KAZN: variants seen among roughly 807,000 people sequenced by gnomAD.
KAZN encodes kazrin.
Under a neutral mutation model 87.4 loss-of-function variants are expected in KAZN, and 40 were observed. The observed-to-expected ratio is 0.46, with a 90% CI of 0.36 to 0.60. KAZN has a LOEUF of 0.60. KAZN is among the 20% of genes least tolerant of loss of function. The probability of loss-of-function intolerance (pLI) is 0.00; values close to 1 mark genes in which losing one functional copy is unlikely to be tolerated. For missense variants in KAZN, 898 were observed against 1,073.9 expected, an observed-to-expected ratio of 0.84 and a Z score of 2.29; for synonymous variants, 466 against 458.3, an observed-to-expected ratio of 1.02 and a Z score of -0.22.
chr1:14,803,362 C>T (rs1236659328), intron 1 of KAZN, among the ~76,000 whole-genome samples: 3 of 152,306 alleles, frequency 2.0e-5, no homozygotes, highest in African/African-American at 2.4e-5. Context: ...GTGCCAGACC[C>T]GACTGTCCCT....
chr1:14,905,285 C>G (rs1044720425), intron 1 of KAZN, among the ~76,000 whole-genome samples: 11 of 152,204 alleles, frequency 7.2e-5, no homozygotes, highest in African/African-American at 2.2e-4. Flanking sequence ...TCTCAAACTC[C>G]TGGCCTCAAG....
At chr1:15,004,361 T>G (rs1047895427) in intron 2 of KAZN, among the ~76,000 whole-genome samples, 3 of 152,180 alleles carry the variant, frequency 2.0e-5, no homozygotes, top group Non-Finnish European at 4.4e-5. Context: ...GCTGGTACTG[T>G]GCAAATATCA....
intron 8 of KAZN, among the ~76,000 whole-genome samples, chr1:15,073,587 C>T (rs1422384185): frequency 6.6e-6 from 1 of 152,170 alleles, no homozygotes; most frequent in Non-Finnish European, 1.5e-5. Flanking sequence ...AGGGGACGGG[C>T]ACTCTGGAGT....
intron 1 of KAZN, among the ~76,000 whole-genome samples, chr1:14,701,422 T>C (rs1210772286): frequency 2.6e-5 from 4 of 152,240 alleles, no homozygotes; most frequent in Non-Finnish European, 5.9e-5. Flanking sequence ...TGAGCCACTG[T>C]GCCCAGCCTA....
chr1:14,347,560 T>A (rs1314467352), intron 2 of KAZN, among the ~76,000 whole-genome samples: 1 of 152,250 alleles, frequency 6.6e-6, no homozygotes, highest in Non-Finnish European at 1.5e-5. Flanking sequence ...TTTTGTTAGA[T>A]TAGGCAGAAT....
At chr1:14,622,541 A>C (rs1213449709) in intron 1 of KAZN, among the ~76,000 whole-genome samples, 1 of 151,850 alleles carries the variant, frequency 6.6e-6, no homozygotes, top group Non-Finnish European at 1.5e-5. Context: ...ATACAAAAAA[A>C]TTAGCCGGGC....
intron 2 of KAZN, among the ~76,000 whole-genome samples, chr1:14,419,978 C>A (rs930871794): frequency 3.3e-5 from 5 of 152,166 alleles, no homozygotes; most frequent in African/African-American, 1.2e-4. Flanking sequence ...ATTGCCACTC[C>A]CGGCTCCGGC....
At chr1:13,962,802 C>A (rs1641804191) in intron 1 of KAZN, among the ~76,000 whole-genome samples, 1 of 152,210 alleles carries the variant, frequency 6.6e-6, no homozygotes, top group African/African-American at 2.4e-5. Context: ...AGGTGATCTA[C>A]CTGCCTTGGC....
At chr1:14,525,268 A>G (rs1671801581) in intron 2 of KAZN, among the ~76,000 whole-genome samples, 2 of 151,952 alleles carry the variant, frequency 1.3e-5, no homozygotes. Context: ...TAGCTTGCCA[A>G]TTATGCAAAC....
chr1:14,833,969 T>TCACA (rs56000715), intron 1 of KAZN, among the ~76,000 whole-genome samples: 2,928 of 141,932 alleles, frequency 0.021, 64 homozygotes, highest in African/African-American at 0.051. Context: ...CCCAAGTCAT[T>TCACA]CACACACACA....
In KAZN at chr1:14,017,625, A is replaced by G. The variant is rs368618029; in HGVS notation, c.91+123869A>G. Reference sequence around the variant, plus strand: ...GTATTCCATTACACCCCAATGCTTCACCAGGCTGCAGAGGCTCTGTCGGGT... The same window carrying G: ...GTATTCCATTACACCCCAATGCTTCGCCAGGCTGCAGAGGCTCTGTCGGGT... On this transcript the variant is annotated intron_variant, in intron 1 of 16. Coordinates refer to the KAZN transcript ENST00000636203. 2.2e-4 allele frequency among the ~76,000 whole-genome samples: 33 copies of G among 152,320 alleles called. No homozygotes were observed. The East Asian group carries it at 2.7e-3, about 12-fold the overall frequency.
At chr1:15,072,796 T>C (rs1415828625) in intron 8 of KAZN, among the ~76,000 whole-genome samples, 1 of 152,158 alleles carries the variant, frequency 6.6e-6, no homozygotes, top group Non-Finnish European at 1.5e-5. Context: ...TCTTGGTAAC[T>C]TTGCTGTGTA....
intron 2 of KAZN, among the ~76,000 whole-genome samples, chr1:14,190,157 T>C (rs1458051603): frequency 6.6e-6 from 1 of 152,164 alleles, no homozygotes; most frequent in Admixed American, 6.5e-5. Context: ...TCAATTCAGC[T>C]GGTCATTACA....
At chr1:14,533,371 A>G (rs1672316982) in intron 2 of KAZN, among the ~76,000 whole-genome samples, 1 of 152,182 alleles carries the variant, frequency 6.6e-6, no homozygotes, top group South Asian at 2.1e-4. Context: ...GGCAGCAGAA[A>G]CTTCTCTCCA....
intron 13 of KAZN, among the ~76,000 whole-genome samples, chr1:15,105,397 T>C (rs371072325): frequency 1.4e-3 from 214 of 152,358 alleles, no homozygotes; most frequent in African/African-American, 4.6e-3. Flanking sequence ...CAGTAGCTTA[T>C]ATCTTTCTAG....
chr1:15,093,655 A>T (rs1380616991), intron 8 of KAZN, among the ~76,000 whole-genome samples: 2 of 152,192 alleles, frequency 1.3e-5, no homozygotes, highest in African/African-American at 4.8e-5. Flanking sequence ...TCAGATATGC[A>T]TTTGTGCCAG....
intron 2 of KAZN, among the ~76,000 whole-genome samples, chr1:14,273,805 C>T (rs1652135862): frequency 1.3e-5 from 2 of 151,036 alleles, no homozygotes; most frequent in Admixed American, 1.3e-4. Context: ...AAAACAAGAT[C>T]TTTCTCAAAG....
At chr1:14,821,121 A>C (rs1326761512) in intron 1 of KAZN, among the ~76,000 whole-genome samples, 7 of 152,240 alleles carry the variant, frequency 4.6e-5, no homozygotes, top group Non-Finnish European at 8.8e-5. Context: ...AGTGAGCTTG[A>C]AAGAATCCTT....
intron 3 of KAZN, among the ~76,000 whole-genome samples, chr1:15,042,454 G>C (rs147552279): frequency 1.3e-5 from 2 of 152,210 alleles, no homozygotes; most frequent in Non-Finnish European, 2.9e-5. Flanking sequence ...GTCAGGGAAG[G>C]CTTCTCAGAG....
Sources: allele counts gnomAD v4.1 joint callset (sites outside exome capture counted in the v4.1 genomes callset), GRCh38; gene constraint gnomAD v4.1.1; transcripts MANE v1.5; gene names NCBI Gene and HGNC (gene_info 2026-07-23, HGNC 2026-07-21).